SHANK2: variants seen among roughly 807,000 people sequenced by gnomAD.
SHANK2 encodes the protein SH3 and multiple ankyrin repeat domains protein 2.
Under a neutral mutation model 133.7 loss-of-function variants are expected in SHANK2, and 43 were observed. The observed-to-expected ratio is 0.32, with a 90% CI of 0.25 to 0.41. SHANK2 has a LOEUF of 0.41. Among genes scored for constraint, SHANK2 ranks in the 10% least tolerant of loss-of-function variants. SHANK2 has a pLI of 1.00. For missense variants in SHANK2, 1,994 were observed against 2,235.8 expected (o/e 0.89, Z 2.18); for synonymous variants, 1,017 against 952.8 (o/e 1.07, Z -1.24).
intron 2 of SHANK2, among the ~76,000 whole-genome samples, chr11:71,157,779 T>A (rs1315764327): frequency 6.6e-6 from 1 of 152,212 alleles, no homozygotes; most frequent in Non-Finnish European, 1.5e-5. Context: ...GGCCTACCCA[T>A]CTCACAGTTC....
Position 71,161,616 on chromosome 11 carries a change from T to C in SHANK2, c.-12-14278A>G, listed in dbSNP as rs563113674. ...CATAATAACAACTCTTTCAACCAATTGCCAATCAGAAAATCTCTGAATCTA... is the reference window on the plus strand; with the variant it reads ...CATAATAACAACTCTTTCAACCAATCGCCAATCAGAAAATCTCTGAATCTA... On this transcript the variant is annotated intron_variant, in intron 2 of 25. Coordinates refer to ENST00000601538, the MANE Select transcript of SHANK2 (RefSeq NM_012309.5). 2.0e-5 allele frequency among the ~76,000 whole-genome samples: 3 copies of C among 152,354 alleles called. No homozygotes were observed. In the East Asian group the frequency reaches 5.8e-4, roughly 29 times the overall value.
intron 12 of SHANK2, among the ~76,000 whole-genome samples, chr11:70,811,821 C>T (rs981716914): frequency 2.0e-5 from 3 of 152,074 alleles, no homozygotes. Context: ...ACCCATCCAT[C>T]CACCATTCAT....
chr11:70,839,150 C>T (rs1948866020), intron 11 of SHANK2, among the ~76,000 whole-genome samples: 2 of 152,342 alleles, frequency 1.3e-5, no homozygotes, highest in South Asian at 4.1e-4. Flanking sequence ...TAATACAACA[C>T]ACTTGCGGAT....
intron 2 of SHANK2, among the ~76,000 whole-genome samples, chr11:71,189,473 T>C (rs1216281123): frequency 6.6e-5 from 10 of 152,210 alleles, no homozygotes; most frequent in African/African-American, 2.4e-4. Flanking sequence ...CACGGCTCGC[T>C]GCAGCCTCAA....
rs1591473175 is a variant in SHANK2 at position 70,473,505 on chromosome 11, A to T, written c.4980-66T>A. The T allele has an allele frequency of 1.9e-6, 3 of 1,538,602 alleles. No homozygotes were observed. In the East Asian group the frequency reaches 6.8e-5, roughly 35 times the overall value. ...ACCGAGTCAGGGCAGCTGGCTGCAGATCACCCAGGAAGGCGAGGGAGACGC... is the reference window on the plus strand; with the variant it reads ...ACCGAGTCAGGGCAGCTGGCTGCAGTTCACCCAGGAAGGCGAGGGAGACGC... On this transcript the variant is annotated intron_variant, in intron 25 of 25. Coordinates refer to ENST00000601538, the MANE Select transcript of SHANK2 (RefSeq NM_012309.5). This position sits in a 1 kb window ranked among gnomAD's most constrained non-coding sequence, Gnocchi z 5.9.
chr11:70,612,964 G>A (rs1334887603), intron 17 of SHANK2, among the ~76,000 whole-genome samples: 4 of 152,102 alleles, frequency 2.6e-5, no homozygotes, highest in East Asian at 1.9e-4. Context: ...AGCAACTCAC[G>A]GCATCCGGAT....
chr11:71,252,880 C>A (rs1031827944), upstream of SHANK2, among the ~76,000 whole-genome samples: 87 of 152,310 alleles, frequency 5.7e-4, no homozygotes, highest in African/African-American at 2.9e-4. The surrounding 1 kb of genome is among the most constrained non-coding windows in gnomAD (Gnocchi z 6.3). Context: ...AGCCGGCGGA[C>A]GAGAAAGTCC....
Position 70,698,531 on chromosome 11 carries a change from C to T in SHANK2, c.1853+157G>A, listed in dbSNP as rs543363983. Reference sequence around the variant, plus strand: ...AAGTACACCTCTCAGGCAGGGGCTCCAGGAGATGGTGGCTTCCATAGTCCT... The same window carrying T: ...AAGTACACCTCTCAGGCAGGGGCTCTAGGAGATGGTGGCTTCCATAGTCCT... On this transcript the variant is annotated intron_variant, in intron 15 of 25. Transcript: ENST00000601538. Among the ~76,000 whole-genome samples, 11 of 152,356 alleles carry T rather than the reference C, an allele frequency of 7.2e-5. No homozygotes were observed. The East Asian group carries it at 1.9e-3, about 27-fold the overall frequency.
chr11:70,801,854 G>A (rs551395566), intron 13 of SHANK2, among the ~76,000 whole-genome samples: 2 of 152,294 alleles, frequency 1.3e-5, no homozygotes, highest in South Asian at 2.1e-4. Flanking sequence ...GCTCTTGGGT[G>A]CTCTGGCTAG....
chr11:70,764,586 C>G (rs1947076999), intron 14 of SHANK2, among the ~76,000 whole-genome samples: 1 of 151,840 alleles, frequency 6.6e-6, no homozygotes, highest in African/African-American at 2.4e-5. Context: ...TCCATCTACC[C>G]ATGCATCCAC....
rs142656622 is a variant in SHANK2 at position 70,509,618 on chromosome 11, C to G, written c.2062-6687G>C. 2.6e-5 allele frequency among the ~76,000 whole-genome samples: 4 copies of G among 152,328 alleles called. No individual in the cohort carries two copies. In the South Asian group the frequency reaches 8.3e-4, roughly 32 times the overall value. On this transcript the variant is annotated intron_variant, in intron 17 of 25. Coordinates refer to ENST00000601538, the MANE Select transcript of SHANK2 (RefSeq NM_012309.5). Reference sequence around the variant, plus strand: ...CTGACTCAGCCCACCCTGCTGGCCACGACTTGAAGCTGGGGACTTGCAGTG... The same window carrying G: ...CTGACTCAGCCCACCCTGCTGGCCAGGACTTGAAGCTGGGGACTTGCAGTG...
intron 20 of SHANK2, among the ~76,000 whole-genome samples, chr11:70,501,602 TGCATGGCCA>T (rs1441899767): frequency 6.6e-6 from 1 of 152,244 alleles, no homozygotes; most frequent in Non-Finnish European, 1.5e-5. Flanking sequence ...AACAGGATCC[TGCATGGCCA>T]GCATGGCCCA....
intron 2 of SHANK2, among the ~76,000 whole-genome samples, chr11:71,216,616 T>C (rs1232088180): frequency 6.6e-6 from 1 of 152,176 alleles, no homozygotes; most frequent in African/African-American, 2.4e-5. Flanking sequence ...GCTGTCAACA[T>C]TTCAGTCAAG....
intron 17 of SHANK2, among the ~76,000 whole-genome samples, chr11:70,530,502 C>G (rs1283415856): frequency 6.6e-6 from 1 of 152,288 alleles, no homozygotes; most frequent in Admixed American, 6.5e-5. Flanking sequence ...TACCACTGCA[C>G]TCCTGCCTGG....
chr11:70,943,964 A>T, intron 10 of SHANK2: 1 of 456,704 alleles, frequency 2.2e-6, no homozygotes, highest in South Asian at 1.5e-5. Context: ...GCCAGGGAAG[A>T]TGAGAGTTTC....
At chr11:70,947,132 AACACACACACACACACACACACACACAC>A (rs144004521) in intron 10 of SHANK2, among the ~76,000 whole-genome samples, 7 of 126,534 alleles carry the variant, frequency 5.5e-5, no homozygotes, top group Non-Finnish European at 6.5e-5. Flanking sequence ...GCACCTCTCC[AACACACACACACACACACACACACACAC>A]ACACACACAC....
At chr11:70,664,921 A>G (rs1375507860) in intron 15 of SHANK2, among the ~76,000 whole-genome samples, 2 of 152,136 alleles carry the variant, frequency 1.3e-5, no homozygotes, top group Non-Finnish European at 2.9e-5. Context: ...AACAAGATGC[A>G]CCTGATGGGT....
At chr11:70,567,070 C>T (rs1305684899) in intron 17 of SHANK2, among the ~76,000 whole-genome samples, 1 of 152,188 alleles carries the variant, frequency 6.6e-6, no homozygotes, top group African/African-American at 2.4e-5. Flanking sequence ...CTGCTGAATG[C>T]CACCACCATT....
intron 14 of SHANK2, among the ~76,000 whole-genome samples, chr11:70,710,272 G>T (rs114179362): frequency 6.6e-6 from 1 of 152,198 alleles, no homozygotes; most frequent in African/African-American, 2.4e-5. Flanking sequence ...AAGAGCTGCC[G>T]CACGACAAGT....
Sources: allele counts gnomAD v4.1 joint callset (sites outside exome capture counted in the v4.1 genomes callset), GRCh38; gene constraint gnomAD v4.1.1; non-coding constraint Gnocchi (gnomAD v3.1); transcripts MANE v1.5; gene names NCBI Gene and HGNC (gene_info 2026-07-23, HGNC 2026-07-21).